Variants in TMEM132D observed in about 807,000 individuals in gnomAD.
TMEM132D encodes the protein transmembrane protein 132D, also known as mature OL transmembrane protein.
Under a neutral mutation model 62.3 loss-of-function variants are expected in TMEM132D, and 21 were observed. The ratio of observed to expected loss-of-function variants is 0.34; its 90% CI spans 0.24 to 0.49. The LOEUF (loss-of-function observed/expected upper bound fraction) is 0.49, where lower values mean the gene tolerates loss of function less well. TMEM132D is among the 20% of genes least tolerant of loss of function. The probability of loss-of-function intolerance (pLI) is 0.99; values close to 1 mark genes in which losing one functional copy is unlikely to be tolerated. For synonymous variants in TMEM132D, 621 were observed against 575.6 expected, an observed-to-expected ratio of 1.08 and a Z score of -1.13; for missense variants, 1,346 against 1,402.8, an observed-to-expected ratio of 0.96 and a Z score of 0.65.
Position 129,827,741 on chromosome 12 carries a change from C to G in TMEM132D, c.79+75520G>C, listed in dbSNP as rs190638057. ...TTTGTCACTGGAAGTTAATCTTTAG[C>G]CCCCTCACCTCAGTTAAGTGCATTC... On this transcript the variant is annotated intron_variant, in intron 1 of 8. Transcript: ENST00000422113. This position sits in a 1 kb window ranked among gnomAD's most constrained non-coding sequence, Gnocchi z 9.7. 1.5e-3 allele frequency among the ~76,000 whole-genome samples: 222 copies of G among 150,020 alleles called. 1 individual carries two copies. The highest frequency in any genetic ancestry group is 5.1e-3 in the African/African-American group (212 of 41,414).
intron 3 of TMEM132D, among the ~76,000 whole-genome samples, chr12:129,519,623 C>G (rs1163209280): frequency 2.0e-5 from 2 of 101,026 alleles, no homozygotes; most frequent in East Asian, 6.3e-4. Flanking sequence ...TTTTTTTTTT[C>G]TTTGAGATGG....
chr12:129,215,065 T>C (rs1245145572), intron 4 of TMEM132D, among the ~76,000 whole-genome samples: 5 of 152,168 alleles, frequency 3.3e-5, no homozygotes, highest in African/African-American at 1.2e-4. Context: ...TACCTAGATG[T>C]CCATCAATGG....
At chr12:129,360,673 G>A (rs1028762344) in intron 3 of TMEM132D, among the ~76,000 whole-genome samples, 2 of 152,184 alleles carry the variant, frequency 1.3e-5, no homozygotes. Context: ...GAGTGGGTTT[G>A]CAGCGGGAAT....
At chr12:129,218,320 T>G (rs1879264962) in intron 4 of TMEM132D, among the ~76,000 whole-genome samples, 1 of 152,192 alleles carries the variant, frequency 6.6e-6, no homozygotes, top group African/African-American at 2.4e-5. Flanking sequence ...AGAAATGCAT[T>G]GTTAGGCGAT....
chr12:129,439,536 C>T (rs950772531), intron 3 of TMEM132D, among the ~76,000 whole-genome samples: 4 of 152,142 alleles, frequency 2.6e-5, no homozygotes, highest in Admixed American at 2.0e-4. Context: ...TACAACCTCC[C>T]CCTCCTGGGT....
chr12:129,498,846 G>A (rs1875042391), intron 3 of TMEM132D, among the ~76,000 whole-genome samples: 1 of 152,250 alleles, frequency 6.6e-6, no homozygotes, highest in Non-Finnish European at 1.5e-5. Context: ...CTAAGGTGGG[G>A]ACATAGGGGC....
intron 2 of TMEM132D, among the ~76,000 whole-genome samples, chr12:129,546,800 C>CAA (rs113282704): frequency 2.4e-5 from 3 of 125,278 alleles, no homozygotes; most frequent in African/African-American, 8.9e-5. Context: ...TACTCCGTCT[C>CAA]AAAAAAAAAA....
intron 4 of TMEM132D, among the ~76,000 whole-genome samples, 181 bp downstream of exon 4, chr12:129,337,453 A>ACACT (rs1869327267): frequency 6.6e-6 from 1 of 151,120 alleles, no homozygotes; most frequent in Non-Finnish European, 1.5e-5. Context: ...ACACACACAC[A>ACACT]CACACACACA....
Position 129,074,588 on chromosome 12 carries a change from G to T in TMEM132D, c.2587C>A (p.Gln863Lys), listed in dbSNP as rs1247044081. The change falls in exon 9 of 9, where the codon CAG becomes AAG. Residue 863 changes from glutamine to lysine, a missense_variant. Transcript: ENST00000422113. The part of the protein sequence containing the change: ...RGTTTDRSIL[Q>K]KKKGQESLLD... ...AGGCTTTCCTGGCCTTTCTTCTTCT[G>T]CAGGATGGACCTGTCTGTCGTGGTG... 1 of 1,614,050 alleles carries T rather than the reference G, an allele frequency of 6.2e-7. No individual in the cohort carries two copies. The highest frequency in any genetic ancestry group is 1.7e-5 in the Admixed American group (1 of 60,020).
At chr12:129,162,671 A>T (rs926656503) in intron 5 of TMEM132D, among the ~76,000 whole-genome samples, 1 of 151,038 alleles carries the variant, frequency 6.6e-6, no homozygotes, top group Non-Finnish European at 1.5e-5. Flanking sequence ...ACTGTGTGGC[A>T]CCTCCCCGAC....
intron 4 of TMEM132D, among the ~76,000 whole-genome samples, chr12:129,312,146 C>T (rs1278267859): frequency 6.6e-6 from 1 of 152,114 alleles, no homozygotes; most frequent in Non-Finnish European, 1.5e-5. Context: ...GCTTAGAAAA[C>T]AGCAGAGGAG....
chr12:129,298,049 C>T (rs1881619604), intron 4 of TMEM132D, among the ~76,000 whole-genome samples: 1 of 152,112 alleles, frequency 6.6e-6, no homozygotes, highest in African/African-American at 2.4e-5. Context: ...ATTTGAAAAA[C>T]AACATTAATA....
intron 5 of TMEM132D, among the ~76,000 whole-genome samples, chr12:129,205,026 A>G (rs1450727873): frequency 1.3e-5 from 2 of 152,242 alleles, no homozygotes; most frequent in Non-Finnish European, 1.5e-5. Flanking sequence ...TGAAAGGAGC[A>G]CTAAATATGG....
At chr12:129,196,993 G>C (rs1878567200) in intron 5 of TMEM132D, among the ~76,000 whole-genome samples, 1 of 152,232 alleles carries the variant, frequency 6.6e-6, no homozygotes, top group South Asian at 2.1e-4. Context: ...GTGAAGAAAA[G>C]GCCCAGTAGA....
chr12:129,830,817 A>G (rs184093335), intron 1 of TMEM132D, among the ~76,000 whole-genome samples: 54 of 152,264 alleles, frequency 3.5e-4, no homozygotes, highest in African/African-American at 1.2e-3. Context: ...AAAAACTCAA[A>G]CCTAAGTGTT....
chr12:129,784,048 T>A (rs1239353691), intron 1 of TMEM132D, among the ~76,000 whole-genome samples: 1 of 152,220 alleles, frequency 6.6e-6, no homozygotes, highest in Non-Finnish European at 1.5e-5. Context: ...TTGGAGCTAT[T>A]ATTTCAGAGA....
chr12:129,868,188 G>A (rs1310922973), intron 1 of TMEM132D, among the ~76,000 whole-genome samples: 1 of 151,820 alleles, frequency 6.6e-6, no homozygotes, highest in Non-Finnish European at 1.5e-5. Context: ...ACACGAGACA[G>A]CATTTGTATG....
rs1878971822 is a variant in TMEM132D at position 129,209,716 on chromosome 12, C to T, written c.1300-53G>A. 4 of 1,601,664 alleles carry T rather than the reference C, an allele frequency of 2.5e-6. No homozygotes were observed. In the South Asian group the frequency reaches 4.4e-5, roughly 18 times the overall value. On this transcript the variant is annotated intron_variant, in intron 4 of 8. Coordinates refer to ENST00000422113, the MANE Select transcript of TMEM132D (RefSeq NM_133448.3). The stretch of plus-strand genomic sequence containing the variant: ...ACATCCCCTCCTGAGACGGCCCAGT[C>T]CCTGGGAGTATGCCGCCTGCCTTTC...
intron 1 of TMEM132D, among the ~76,000 whole-genome samples, chr12:129,828,050 G>C (rs1228002550): frequency 6.6e-6 from 1 of 152,108 alleles, no homozygotes; most frequent in Non-Finnish European, 1.5e-5. Flanking sequence ...GTTTAGAGGA[G>C]GAACATTAAT....
Sources: gnomAD v4.1 joint callset for allele counts (sites outside exome capture counted in the v4.1 genomes callset) on GRCh38, gnomAD v4.1.1 for gene constraint, Gnocchi (gnomAD v3.1) non-coding constraint, MANE v1.5 for transcripts, NCBI Gene and HGNC (gene_info 2026-07-23, HGNC 2026-07-21) for gene names.